NGEF: variants seen among roughly 807,000 people sequenced by gnomAD.
NGEF encodes the protein neuronal guanine nucleotide exchange factor, also known as ephexin-1.
A neutral mutation model predicts 80.9 loss-of-function variants in NGEF; 31 were observed. The ratio of observed to expected loss-of-function variants is 0.38; its 90% CI spans 0.29 to 0.52. The LOEUF is 0.52. NGEF is among the 20% of genes least tolerant of loss of function. The pLI is 0.84. For missense variants in NGEF, 709 were observed against 926.2 expected, an observed-to-expected ratio of 0.77 and a Z score of 3.04; for synonymous variants, 371 against 370.2, an observed-to-expected ratio of 1.00 and a Z score of -0.03.
Position 232,926,943 on chromosome 2 carries a change from T to C in NGEF, c.526+101A>G, listed in dbSNP as rs888331919. 37 of 1,472,414 alleles carry C rather than the reference T, an allele frequency of 2.5e-5. No homozygotes were observed. The Middle Eastern group carries it at 5.3e-4, about 21-fold the overall frequency. 91.2% of individuals were successfully genotyped at this position (1,472,414 alleles called of 1,614,324 possible). ...CCTTACCCATGTCAGACGCAGTCCT[T>C]CGTATGAAACACAACGGCATCCCAT... is the stretch of plus-strand genomic sequence containing the variant. On this transcript the variant is annotated intron_variant, in intron 4 of 14. Transcript: ENST00000264051.
chr2:232,945,743 G>T (rs1049088877), intron 3 of NGEF, among the ~76,000 whole-genome samples: 2 of 152,150 alleles, frequency 1.3e-5, no homozygotes, highest in African/African-American at 2.4e-5. Context: ...GTGGTGCTTT[G>T]TTCCAGCGGC....
chr2:232,884,272 G>C (rs1204108509), intron 10 of NGEF, 128 bp from the exon 11 acceptor site: 4 of 1,107,158 alleles, frequency 3.6e-6, no homozygotes, highest in Admixed American at 2.9e-5. Context: ...GCACAAGTTG[G>C]GGGGAAAGGC....
At chr2:232,899,952 GCT>G (rs1257259210) in intron 5 of NGEF, among the ~76,000 whole-genome samples, 1 of 115,088 alleles carries the variant, frequency 8.7e-6, no homozygotes, top group African/African-American at 3.6e-5. Context: ...TTACACACAT[GCT>G]CTCACAGTCA....
chr2:232,997,961 G>A (rs775001822), intron 1 of NGEF, among the ~76,000 whole-genome samples: 7 of 152,168 alleles, frequency 4.6e-5, no homozygotes, highest in African/African-American at 9.7e-5. Flanking sequence ...TTTGGGAAAC[G>A]TGCCCCGATA....
In NGEF at chr2:232,975,988, G is replaced by T. The variant is rs35701944; in HGVS notation, c.-74-1024C>A. 1.8e-3 allele frequency among the ~76,000 whole-genome samples: 270 copies of T among 152,252 alleles called. 5 individuals are homozygous for T. In the East Asian group the frequency reaches 0.049, roughly 28 times the overall value. ...GGCCGAGGCGAGCAGATCACCTGAG[G>T]CCAGGAGTTCAAGATCAGCCTGGCC... On this transcript the variant is annotated intron_variant, in intron 1 of 14. Transcript: ENST00000264051.
intron 5 of NGEF, among the ~76,000 whole-genome samples, chr2:232,900,678 TCA>T (rs1463551180): frequency 4.5e-5 from 5 of 110,672 alleles, no homozygotes; most frequent in East Asian, 2.3e-4. Context: ...ACACACGCTC[TCA>T]GTCACTCATA....
intron 5 of NGEF, among the ~76,000 whole-genome samples, chr2:232,909,896 C>T (rs1204933849): frequency 6.6e-6 from 1 of 152,250 alleles, no homozygotes; most frequent in Non-Finnish European, 1.5e-5. Flanking sequence ...TTTTCTTTCA[C>T]TCAACAAGAT....
intron 8 of NGEF, 92 bp downstream of exon 8, chr2:232,891,266 C>A: frequency 6.6e-7 from 1 of 1,510,186 alleles, no homozygotes. Flanking sequence ...TCTGTTGAAC[C>A]AGTAGACCTC....
chr2:232,917,811 T>C (rs1234644220), intron 5 of NGEF, among the ~76,000 whole-genome samples: 2 of 152,140 alleles, frequency 1.3e-5, no homozygotes, highest in Non-Finnish European at 1.5e-5. Context: ...TCTTGCTCTG[T>C]CACCCAGGCC....
At position 232,892,839 on chromosome 2, in the gene NGEF, TG is replaced by T; in HGVS notation, c.1142+58del. The T allele has an allele frequency of 1.3e-6, 2 of 1,572,974 alleles. No individual in the cohort carries two copies. The highest frequency in any genetic ancestry group is 1.7e-6 in the Non-Finnish European group (2 of 1,150,694). On this transcript the variant is annotated intron_variant, in intron 7 of 14. Coordinates refer to ENST00000264051, the MANE Select transcript of NGEF (RefSeq NM_019850.3). This position sits in a 1 kb window ranked among gnomAD's most constrained non-coding sequence, Gnocchi z 4.0. ...CCGTGTAAGGAGCCTGGGCCAGCACTGGTATGGCTGCCCCGGGCACCTCCCC... is the reference window on the plus strand; with the variant it reads ...CCGTGTAAGGAGCCTGGGCCAGCACTGTATGGCTGCCCCGGGCACCTCCCC...
chr2:232,888,945 C>T (rs973330327), intron 8 of NGEF, among the ~76,000 whole-genome samples: 1 of 152,186 alleles, frequency 6.6e-6, no homozygotes. Context: ...ACCATGCCCA[C>T]GTTTTCTGAC....
Position 232,901,244 on chromosome 2 carries a change from C to T in NGEF, c.829-6328G>A, listed in dbSNP as rs1692345768. The T allele has an allele frequency of 1.2e-5, 5 of 430,416 alleles. No individual in the cohort carries two copies. The South Asian group carries it at 4.9e-4, about 42-fold the overall frequency. 26.7% of individuals were successfully genotyped at this position (430,416 alleles called of 1,614,324 possible). On this transcript the variant is annotated intron_variant, in intron 5 of 14. Coordinates refer to ENST00000264051, the MANE Select transcript of NGEF (RefSeq NM_019850.3). ...AACATGGGCCATGCTGCCTGGCCGG[C>T]CGGGACTACAGTGTCTGTCCTCGGA...
At position 232,892,761 on chromosome 2, in the gene NGEF, C is replaced by G. The variant is rs554243917; in HGVS notation, c.1142+137G>C. On this transcript the variant is annotated intron_variant, in intron 7 of 14. Coordinates refer to ENST00000264051, the MANE Select transcript of NGEF (RefSeq NM_019850.3). The surrounding 1 kb of genome is among the most constrained non-coding windows in gnomAD (Gnocchi z 4.0). ...TGTCACCAGTATCCCTGGCCAACTC[C>G]GGTGGCTCATGTGGACCTTGGGAAC... The G allele has an allele frequency of 1.1e-6, 1 of 933,254 alleles. No individual in the cohort carries two copies. The highest frequency in any genetic ancestry group is 2.4e-5 in the East Asian group (1 of 41,000). 57.8% of individuals were successfully genotyped at this position (933,254 alleles called of 1,614,324 possible).
intron 1 of NGEF, among the ~76,000 whole-genome samples, chr2:233,001,361 C>T (rs539768455): frequency 5.3e-5 from 8 of 152,326 alleles, no homozygotes; most frequent in East Asian, 1.9e-4. Context: ...CTAGAAGCAT[C>T]GAAAGCACCT....
chr2:232,884,745 G>A (rs986302132), intron 10 of NGEF, among the ~76,000 whole-genome samples: 6 of 152,166 alleles, frequency 3.9e-5, no homozygotes, highest in Non-Finnish European at 7.4e-5. Context: ...CCAGAAGACC[G>A]CCTCTGCCTC....
chr2:232,942,464 G>A (rs959225875), intron 3 of NGEF, among the ~76,000 whole-genome samples: 3 of 152,220 alleles, frequency 2.0e-5, no homozygotes, highest in African/African-American at 4.8e-5. Context: ...TAAATCGACT[G>A]ATTTACAGAG....
chr2:232,893,077 A>T, intron 6 of NGEF, 27 bp from the exon 7 acceptor site: 1 of 1,603,236 alleles, frequency 6.2e-7, no homozygotes, highest in Non-Finnish European at 8.5e-7. Flanking sequence ...CTTGAGGCGG[A>T]GGGTGCCCGG....
intron 5 of NGEF, among the ~76,000 whole-genome samples, chr2:232,906,854 T>C (rs1008396500): frequency 1.1e-4 from 17 of 151,948 alleles, no homozygotes; most frequent in Middle Eastern, 3.4e-3. Context: ...TTCTTCTGCC[T>C]TGGGATCCTG....
chr2:232,888,181 C>A, intron 8 of NGEF, 74 bp from the exon 9 acceptor site: 1 of 1,073,056 alleles, frequency 9.3e-7, no homozygotes, highest in Non-Finnish European at 1.4e-6. Flanking sequence ...TTGACCGTGA[C>A]TACCTCCCTA....
Sources: allele counts gnomAD v4.1 joint callset (sites outside exome capture counted in the v4.1 genomes callset), GRCh38; gene constraint gnomAD v4.1.1; non-coding constraint Gnocchi (gnomAD v3.1); transcripts MANE v1.5; gene names NCBI Gene and HGNC (gene_info 2026-07-23, HGNC 2026-07-21).